The following GOPC variants were observed in gnomAD, a reference collection of about 807,000 sequenced individuals.
The protein encoded by GOPC is Golgi-associated PDZ and coiled-coil motif-containing protein.
GOPC carries 32 observed loss-of-function variants against 51.2 expected under a neutral mutation model. The ratio of observed to expected loss-of-function variants is 0.63; its 90% CI spans 0.47 to 0.84. The LOEUF is 0.84. Ranked by LOEUF, GOPC falls within the 40% of genes least tolerant of loss-of-function variation. The pLI, the probability that GOPC is intolerant of heterozygous loss-of-function variation, is 0.00. For missense variants in GOPC, 441 were observed against 555.5 expected (o/e 0.79, Z 2.07); for synonymous variants, 190 against 205.1 (o/e 0.93, Z 0.63).
At chr6:117,563,929 A>G (rs1217222787) in intron 8 of GOPC, among the ~76,000 whole-genome samples, 3 of 151,528 alleles carry the variant, frequency 2.0e-5, no homozygotes, top group South Asian at 2.1e-4. Flanking sequence ...TATTGGGCTT[A>G]TGTAAAAATT....
chr6:117,573,175 G>A (rs1300390447), intron 5 of GOPC, among the ~76,000 whole-genome samples: 1 of 152,072 alleles, frequency 6.6e-6, no homozygotes, highest in Non-Finnish European at 1.5e-5. Context: ...ATTCAAGCAT[G>A]CCCAATCATG....
In GOPC at chr6:117,570,894, T is replaced by G; in HGVS notation, c.878A>C (p.Lys293Thr). The G allele has an allele frequency of 6.3e-7, 1 of 1,598,700 alleles. No individual in the cohort carries two copies. The highest frequency in any genetic ancestry group is 2.2e-5 in the East Asian group (1 of 44,618). The change falls in exon 6 of 9, where the codon AAG becomes ACG. Residue 293 changes from lysine (K) to threonine (T), a missense_variant. Physicochemically the swap from Lys to Thr is moderately conservative, Grantham distance 78. Transcript: ENST00000368498. ...AATGCCAAGGCCTTCATGATCTTCCTTAAGGAGGAGAACTTTTCTAATTGG... is the reference window on the plus strand; with the variant it reads ...AATGCCAAGGCCTTCATGATCTTCCGTAAGGAGGAGAACTTTTCTAATTGG... ...VGPIRKVLLL[K>T]EDHEGLGISI...
At chr6:117,600,556 C>A (rs1254140299) in intron 1 of GOPC, among the ~76,000 whole-genome samples, 1 of 152,136 alleles carries the variant, frequency 6.6e-6, no homozygotes, top group African/African-American at 2.4e-5. Context: ...GTAATCAAAG[C>A]ACTTTGGGAG....
At chr6:117,590,993 C>T (rs1780108420) in intron 1 of GOPC, among the ~76,000 whole-genome samples, 1 of 152,172 alleles carries the variant, frequency 6.6e-6, no homozygotes. Context: ...GCTGGGATTA[C>T]AGGCATGCGC....
chr6:117,576,726 A>C (rs916533344), intron 3 of GOPC, among the ~76,000 whole-genome samples: 3 of 152,116 alleles, frequency 2.0e-5, no homozygotes, highest in Non-Finnish European at 4.4e-5. Flanking sequence ...GTAAGCAAGA[A>C]TAAGATGAAG....
chr6:117,598,114 T>C (rs1205381102), intron 1 of GOPC, among the ~76,000 whole-genome samples: 2 of 151,452 alleles, frequency 1.3e-5, no homozygotes, highest in African/African-American at 4.9e-5. Flanking sequence ...ATACCAGCAT[T>C]TCGAGAGGTT....
intron 1 of GOPC, among the ~76,000 whole-genome samples, chr6:117,594,166 C>T (rs1241655943): frequency 6.6e-6 from 1 of 152,166 alleles, no homozygotes; most frequent in East Asian, 1.9e-4. Context: ...TCAAACTTAT[C>T]TTGTGCCTTG....
intron 6 of GOPC, among the ~76,000 whole-genome samples, chr6:117,570,171 G>C (rs1031977531): frequency 1.3e-4 from 19 of 151,688 alleles, no homozygotes; most frequent in African/African-American, 4.6e-4. Flanking sequence ...TTGCGTGTGT[G>C]TAGGGGTGTG....
chr6:117,602,274 A>G lies in GOPC; in HGVS notation c.15T>C (p.Gly5=), dbSNP rs1772031250. Residue 5 remains glycine (G), a synonymous_variant, in exon 1 of 9, where the codon GGT becomes GGC. Transcript: ENST00000368498. ...CCCCTCCGGCTGCTGCTGGGCATGGACCGCCCGCCGACATGGCGCCGTCAA... is the reference window on the plus strand; with the variant it reads ...CCCCTCCGGCTGCTGCTGGGCATGGGCCGCCCGCCGACATGGCGCCGTCAA... The part of the protein sequence containing the change: MSAG[G]PCPAAAGGGP... 10 of 1,586,734 alleles carry G rather than the reference A, an allele frequency of 6.3e-6. No homozygotes were observed. Among genetic ancestry groups the G allele is most frequent in the Non-Finnish European group, 7.7e-6 (9 of 1,174,840 alleles).
intron 4 of GOPC, among the ~76,000 whole-genome samples, chr6:117,574,891 C>CTGT (rs1779856917): frequency 6.6e-6 from 1 of 152,000 alleles, no homozygotes; most frequent in Non-Finnish European, 1.5e-5. Context: ...CCAGCCTGGC[C>CTGT]AACATGGTGA....
chr6:117,588,603 T>C (rs928742236), intron 1 of GOPC, among the ~76,000 whole-genome samples: 2 of 152,068 alleles, frequency 1.3e-5, no homozygotes, highest in Non-Finnish European at 2.9e-5. Context: ...TGAAAAAATA[T>C]AAAACAATGC....
intron 1 of GOPC, among the ~76,000 whole-genome samples, chr6:117,581,122 T>C (rs1350269317): frequency 6.6e-6 from 1 of 151,996 alleles, no homozygotes; most frequent in Admixed American, 6.6e-5. Flanking sequence ...ATGTAGGAAA[T>C]AAAGAAAATA....
chr6:117,601,989 G>A lies in GOPC; in HGVS notation c.285+15C>T. ...CTGGGGTTGGATGCCATAGCCGCCAGCACCCACGGCTCACCTCCAGCTTGT... is the reference window on the plus strand; with the variant it reads ...CTGGGGTTGGATGCCATAGCCGCCAACACCCACGGCTCACCTCCAGCTTGT... On this transcript the variant is annotated intron_variant, in intron 1 of 8. Coordinates refer to ENST00000368498, the MANE Select transcript of GOPC (RefSeq NM_020399.4). 2 of 1,611,826 alleles carry A rather than the reference G, an allele frequency of 1.2e-6. No individual in the cohort carries two copies. The highest frequency in any genetic ancestry group is 1.7e-6 in the Non-Finnish European group (2 of 1,178,200).
intron 4 of GOPC, among the ~76,000 whole-genome samples, chr6:117,573,884 TAATTC>T (rs1391646542): frequency 6.6e-6 from 1 of 152,152 alleles, no homozygotes; most frequent in African/African-American, 2.4e-5. Flanking sequence ...GTCATATACT[TAATTC>T]AAATAAATCT....
At chr6:117,580,179 T>C (rs1583057597) in intron 1 of GOPC, among the ~76,000 whole-genome samples, 1 of 152,172 alleles carries the variant, frequency 6.6e-6, no homozygotes, top group East Asian at 1.9e-4. Flanking sequence ...TCTCTGAGCA[T>C]AGATAGGGAT....
intron 8 of GOPC, 102 bp from the exon 9 acceptor site, chr6:117,563,486 C>T (rs1681015544): frequency 1.8e-6 from 2 of 1,093,446 alleles, no homozygotes; most frequent in African/African-American, 1.6e-5. Context: ...CTTTGAGAGG[C>T]CAAGGTGGGT....
At chr6:117,601,978 C>T in intron 1 of GOPC, 26 bp downstream of exon 1, 3 of 1,608,838 alleles carry the variant, frequency 1.9e-6, no homozygotes, top group Non-Finnish European at 2.6e-6. Flanking sequence ...GGTTGGATGC[C>T]ATAGCCGCCA....
rs567324034 is a variant in GOPC, at chr6:117,570,241, A to T, written c.913-505T>A. On this transcript the variant is annotated intron_variant, in intron 6 of 8. Transcript: ENST00000368498. ...CTCTTTGAAGGCAGCACATAAAAAA[A>T]AAAAAGGTAAGTATTCAAGAAATAT... is the stretch of plus-strand genomic sequence containing the variant. 1.2e-4 allele frequency among the ~76,000 whole-genome samples: 19 copies of T among 152,050 alleles called. 2 individuals are homozygous for T. In the South Asian group the frequency reaches 2.5e-3, roughly 20 times the overall value.
In GOPC at chr6:117,570,854, T is replaced by G. The variant is rs1167752640; in HGVS notation, c.912+6A>C. 1.4e-6 allele frequency: 2 copies of G among 1,437,840 alleles called. No homozygotes were observed. The highest frequency in any genetic ancestry group is 3.5e-5 in the Admixed American group (2 of 57,230). 89.1% of individuals were successfully genotyped at this position (1,437,840 alleles called of 1,614,324 possible). ...AGAAAATGATACTGGAAGTACTACTTCTTACTGTAATTGAAATGCCAAGGC... is the reference window on the plus strand; with the variant it reads ...AGAAAATGATACTGGAAGTACTACTGCTTACTGTAATTGAAATGCCAAGGC... On this transcript the variant is annotated splice_donor_region_variant and intron_variant, in intron 6 of 8. Coordinates refer to ENST00000368498, the MANE Select transcript of GOPC (RefSeq NM_020399.4).
Sources: gnomAD v4.1 joint callset for allele counts (sites outside exome capture counted in the v4.1 genomes callset) on GRCh38, gnomAD v4.1.1 for gene constraint, MANE v1.5 for transcripts, NCBI Gene and HGNC (gene_info 2026-07-23, HGNC 2026-07-21) for gene names.